The following RAB11FIP3 variants were observed in gnomAD, a reference collection of about 807,000 sequenced individuals.
The protein encoded by RAB11FIP3 is RAB11 family interacting protein 3.
Under a neutral mutation model 77.8 loss-of-function variants are expected in RAB11FIP3, and 17 were observed. The ratio of observed to expected loss-of-function variants is 0.22; its 90% CI spans 0.15 to 0.33. The LOEUF is 0.33. Among genes scored for constraint, RAB11FIP3 ranks in the 10% least tolerant of loss-of-function variants. RAB11FIP3 has a pLI of 1.00. For synonymous variants in RAB11FIP3, 437 were observed against 448.2 expected, an observed-to-expected ratio of 0.98 and a Z score of 0.31; for missense variants, 1,005 against 1,011.2, an observed-to-expected ratio of 0.99 and a Z score of 0.08.
At chr16:480,409 C>T (rs2056015933) in intron 3 of RAB11FIP3, among the ~76,000 whole-genome samples, 1 of 152,008 alleles carries the variant, frequency 6.6e-6, no homozygotes, top group South Asian at 2.1e-4. Flanking sequence ...ACTGCAAAAT[C>T]TGCGTCCCAG....
Position 433,810 on chromosome 16 carries a change from C to A in RAB11FIP3, c.714+7090C>A, listed in dbSNP as rs184001710. Among the ~76,000 whole-genome samples the A allele has an allele frequency of 4.1e-4, 61 of 149,350 alleles. 1 individual carries two copies. In the East Asian group the frequency reaches 0.012, roughly 28 times the overall value. ...GGTGGAGCTTGCAGTGAGCCGAGAT[C>A]GTGCCACTGCACTCCAGTCTGGGTG... On this transcript the variant is annotated intron_variant, in intron 1 of 13. Transcript: ENST00000262305.
Position 489,793 on chromosome 16 carries a change from G to A in RAB11FIP3, c.1265+793G>A, listed in dbSNP as rs147726425. ...CGGTGCAGGAGGGGCTGAGCAGCTC[G>A]TCTGCCCATAGGGTCCCCCTCCTTT... On this transcript the variant is annotated intron_variant, in intron 5 of 13. Transcript: ENST00000262305. 7.9e-3 allele frequency among the ~76,000 whole-genome samples: 1,205 copies of A among 152,378 alleles called. 9 individuals are homozygous for A. Among genetic ancestry groups the A allele is most frequent in the Non-Finnish European group, 0.012 (818 of 68,030 alleles).
chr16:492,161 C>T (rs970903309), intron 5 of RAB11FIP3, among the ~76,000 whole-genome samples: 3 of 152,206 alleles, frequency 2.0e-5, no homozygotes, highest in Non-Finnish European at 4.4e-5. Flanking sequence ...CTTATTGAGG[C>T]TTCTGTCCTG....
intron 6 of RAB11FIP3, among the ~76,000 whole-genome samples, chr16:500,223 G>A (rs1343444160): frequency 6.6e-6 from 1 of 152,224 alleles, no homozygotes; most frequent in African/African-American, 2.4e-5. Context: ...CTGGGCCCTG[G>A]GTGGGAGGCC....
At chr16:496,884 G>A (rs149853661) in intron 6 of RAB11FIP3, 25 bp downstream of exon 6, 20,152 of 1,545,376 alleles carry the variant, frequency 0.013, 195 homozygotes, top group Non-Finnish European at 0.014. Flanking sequence ...GGTTCCTGCT[G>A]AAAAACGTTC....
chr16:514,984 C>T lies in RAB11FIP3; in HGVS notation c.1641-3959C>T, dbSNP rs552437819. Among the ~76,000 whole-genome samples the T allele has an allele frequency of 9.8e-5, 15 of 152,310 alleles. No homozygotes were observed. Among genetic ancestry groups the T allele is most frequent in the Admixed American group, 4.6e-4 (7 of 15,300 alleles). On this transcript the variant is annotated intron_variant, in intron 9 of 13. Transcript: ENST00000262305. The surrounding 1 kb of genome is among the most constrained non-coding windows in gnomAD (Gnocchi z 4.6). The stretch of plus-strand genomic sequence containing the variant: ...TTCGCTTGTGCCACGTAGCATAGCT[C>T]GTCCTTCCAGAAAATGTGAGTAGAC...
At position 496,926 on chromosome 16, in the gene RAB11FIP3, A is replaced by G. The variant is rs906756419; in HGVS notation, c.1301+67A>G. On this transcript the variant is annotated intron_variant, in intron 6 of 13. Coordinates refer to ENST00000262305, the MANE Select transcript of RAB11FIP3 (RefSeq NM_014700.4). The stretch of plus-strand genomic sequence containing the variant: ...GGATAATTAATCATAGTTTTTTAAA[A>G]AACATTTTAAAATGTTCTTTTCCAA... 19 of 1,437,896 alleles carry G rather than the reference A, an allele frequency of 1.3e-5. No homozygotes were observed. In the Admixed American group the frequency reaches 2.7e-4, roughly 21 times the overall value. The allele number at this position is 1,437,896 out of a possible 1,614,324, so 89.1% of individuals were successfully genotyped here. A position where few individuals can be genotyped will look rare whatever the true frequency, so the allele number is the denominator to read the frequency against.
At chr16:509,703 T>TA (rs1478203981) in intron 8 of RAB11FIP3, among the ~76,000 whole-genome samples, 1 of 152,052 alleles carries the variant, frequency 6.6e-6, no homozygotes, top group African/African-American at 2.4e-5. Context: ...ATGGGACTGG[T>TA]CTCTATACCC....
intron 5 of RAB11FIP3, among the ~76,000 whole-genome samples, chr16:492,748 C>G (rs2030696223): frequency 6.6e-6 from 1 of 152,128 alleles, no homozygotes; most frequent in African/African-American, 2.4e-5. Context: ...TGAAAGTAAG[C>G]CTGAAGACTC....
intron 1 of RAB11FIP3, among the ~76,000 whole-genome samples, chr16:440,941 CT>C (rs1160155330): frequency 2.5e-3 from 360 of 143,248 alleles, no homozygotes; most frequent in South Asian, 4.4e-3. Context: ...GTCCATTTTT[CT>C]TTTTTTTTTT....
chr16:505,157 C>CCATGGG lies in RAB11FIP3; in HGVS notation c.1396-364_1396-359dup, dbSNP rs1294503622. Among the ~76,000 whole-genome samples, 1 of 151,834 alleles carries CCATGGG rather than the reference C, an allele frequency of 6.6e-6. No homozygotes were observed. The highest frequency in any genetic ancestry group is 2.0e-4 in the East Asian group (1 of 5,064). ...ACATGGATCTGTCTGTCCCTTGCATCCATGGGCACCTGGGCTGCCTCTGTG... is the reference window on the plus strand; with the variant it reads ...ACATGGATCTGTCTGTCCCTTGCATCCATGGGCATGGGCACCTGGGCTGCCTCTGTG... On this transcript the variant is annotated intron_variant, in intron 7 of 13. Transcript: ENST00000262305. The surrounding 1 kb of genome is among the most constrained non-coding windows in gnomAD (Gnocchi z 4.0).
At chr16:438,126 G>T (rs1189631946) in intron 1 of RAB11FIP3, among the ~76,000 whole-genome samples, 1 of 151,380 alleles carries the variant, frequency 6.6e-6, no homozygotes, top group Non-Finnish European at 1.5e-5. Flanking sequence ...ACCTCCTCCT[G>T]AGATGGAGTC....
chr16:443,831 T>C (rs1376455182), intron 1 of RAB11FIP3, among the ~76,000 whole-genome samples: 1 of 152,230 alleles, frequency 6.6e-6, no homozygotes, highest in Non-Finnish European at 1.5e-5. Context: ...CCCAAAGTGC[T>C]GGGATTACAG....
At chr16:435,186 C>T (rs1482181714) in intron 1 of RAB11FIP3, among the ~76,000 whole-genome samples, 1 of 143,930 alleles carries the variant, frequency 6.9e-6, no homozygotes, top group Non-Finnish European at 1.5e-5. Context: ...GCCTGGGCGA[C>T]AGAGCGAGAC....
At position 426,126 on chromosome 16, in the gene RAB11FIP3, C is replaced by A; in HGVS notation, c.120C>A (p.Arg40=). Residue 40 remains arginine, a synonymous_variant, in exon 1 of 14, where the codon CGC becomes CGA. Transcript: ENST00000262305. This position sits in a 1 kb window ranked among gnomAD's most constrained non-coding sequence, Gnocchi z 5.0. ...TGGCTCCGGGCCCTGCGGAGCTACGCCTCGGAGCGCCCGTCGGCGGCCCCG... is the reference window on the plus strand; with the variant it reads ...TGGCTCCGGGCCCTGCGGAGCTACGACTCGGAGCGCCCGTCGGCGGCCCCG... ...AQLAPGPAEL[R]LGAPVGGPDP... The A allele has an allele frequency of 9.9e-7, 1 of 1,010,110 alleles. No homozygotes were observed. The highest frequency in any genetic ancestry group is 1.2e-6 in the Non-Finnish European group (1 of 847,666). The allele number at this position is 1,010,110 out of a possible 1,614,324, so 62.6% of individuals were successfully genotyped here.
At chr16:449,998 T>C (rs1420060832) in intron 1 of RAB11FIP3, among the ~76,000 whole-genome samples, 3 of 152,236 alleles carry the variant, frequency 2.0e-5, no homozygotes, top group Middle Eastern at 6.8e-3. Flanking sequence ...TCACAGTGAC[T>C]GTGCCACCAC....
intron 1 of RAB11FIP3, among the ~76,000 whole-genome samples, chr16:455,447 C>T (rs1482579538): frequency 6.7e-6 from 1 of 149,396 alleles, no homozygotes; most frequent in African/African-American, 2.5e-5. Context: ...GCACTCCAGC[C>T]TGGGTAACAG....
intron 4 of RAB11FIP3, among the ~76,000 whole-genome samples, chr16:486,362 C>T (rs1374589027): frequency 2.6e-5 from 4 of 152,064 alleles, no homozygotes; most frequent in East Asian, 1.9e-4. Context: ...CCTGGTGGCA[C>T]GCACCTGTAA....
intron 9 of RAB11FIP3, among the ~76,000 whole-genome samples, chr16:512,946 C>T (rs187230030): frequency 2.7e-5 from 4 of 150,554 alleles, no homozygotes; most frequent in Non-Finnish European, 4.4e-5. Context: ...CCTCCCAAAG[C>T]GCTGGGATTA....
Sources: allele counts gnomAD v4.1 joint callset (sites outside exome capture counted in the v4.1 genomes callset), GRCh38; gene constraint gnomAD v4.1.1; non-coding constraint Gnocchi (gnomAD v3.1); transcripts MANE v1.5; gene names NCBI Gene and HGNC (gene_info 2026-07-23, HGNC 2026-07-21).